Variants in AGBL1 observed in about 807,000 individuals in gnomAD.
The protein encoded by AGBL1 is AGBL carboxypeptidase 1, also known as cytosolic carboxypeptidase 4.
AGBL1 carries 130 observed loss-of-function variants against 118.9 expected under a neutral mutation model. That is an observed-to-expected ratio of 1.09 (90% confidence interval 0.95 to 1.26). The LOEUF is 1.26. AGBL1 is among the 50% of genes most tolerant of loss of function. AGBL1 has a pLI of 0.00. For missense variants in AGBL1, 1,584 were observed against 1,298.1 expected (o/e 1.22, Z -3.38); for synonymous variants, 555 against 478.9 (o/e 1.16, Z -2.08).
chr15:86,748,481 T>A (rs918129807), intron 22 of AGBL1, among the ~76,000 whole-genome samples: 6 of 149,304 alleles, frequency 4.0e-5, no homozygotes, highest in African/African-American at 4.9e-5. Context: ...AGCTCTTTAG[T>A]TGAATTAGAT....
intron 18 of AGBL1, among the ~76,000 whole-genome samples, chr15:86,469,604 G>T (rs1221592942): frequency 6.6e-6 from 1 of 152,070 alleles, no homozygotes; most frequent in Non-Finnish European, 1.5e-5. Flanking sequence ...ACCCAGAAGG[G>T]GGATTGCTGG....
intron 22 of AGBL1, among the ~76,000 whole-genome samples, chr15:86,739,981 C>T (rs901080726): frequency 2.0e-5 from 3 of 152,310 alleles, no homozygotes; most frequent in South Asian, 2.1e-4. Flanking sequence ...CCCCTTTCAC[C>T]TTTAAAGCCT....
intron 18 of AGBL1, among the ~76,000 whole-genome samples, chr15:86,422,991 C>T (rs1169138966): frequency 1.3e-5 from 2 of 152,114 alleles, no homozygotes; most frequent in Non-Finnish European, 2.9e-5. Flanking sequence ...GATTCACAGC[C>T]GAATTCTACC....
intron 6 of AGBL1, among the ~76,000 whole-genome samples, chr15:86,233,251 A>G (rs1412464328): frequency 6.6e-6 from 1 of 152,184 alleles, no homozygotes; most frequent in Non-Finnish European, 1.5e-5. Flanking sequence ...GTGACTTTAA[A>G]CTAGTTCTTT....
At chr15:86,621,614 T>G (rs1301670682) in intron 21 of AGBL1, among the ~76,000 whole-genome samples, 2 of 152,218 alleles carry the variant, frequency 1.3e-5, no homozygotes, top group East Asian at 1.9e-4. Context: ...CAGTATATCT[T>G]GAGATCCTTA....
chr15:86,514,160 AC>A (rs1382049011), intron 18 of AGBL1, among the ~76,000 whole-genome samples: 5 of 147,178 alleles, frequency 3.4e-5, no homozygotes, highest in African/African-American at 9.8e-5. Flanking sequence ...ACACACACAC[AC>A]ATACACATCT....
chr15:86,229,173 A>C (rs1295082092), intron 6 of AGBL1, among the ~76,000 whole-genome samples: 1 of 152,146 alleles, frequency 6.6e-6, no homozygotes, highest in African/African-American at 2.4e-5. Flanking sequence ...TCAAAACAAC[A>C]TGTCCTTTGT....
intron 16 of AGBL1, among the ~76,000 whole-genome samples, chr15:86,286,357 T>C (rs1386492933): frequency 5.9e-5 from 9 of 152,062 alleles, no homozygotes; most frequent in Admixed American, 5.9e-4. Context: ...TAATTCTGTG[T>C]ATTATTATAA....
intron 4 of AGBL1, among the ~76,000 whole-genome samples, chr15:86,158,134 T>A (rs868092309): frequency 6.6e-6 from 1 of 152,182 alleles, no homozygotes; most frequent in African/African-American, 2.4e-5. Flanking sequence ...AATTACTTCA[T>A]GTACTAGCCT....
chr15:86,113,005 T>C (rs1897490572), intron 1 of AGBL1, among the ~76,000 whole-genome samples: 1 of 152,166 alleles, frequency 6.6e-6, no homozygotes, highest in African/African-American at 2.4e-5. Context: ...GTTCTCACTC[T>C]TCAAAAACAT....
In AGBL1 at chr15:86,673,944, A is replaced by T. The variant is rs148142348; in HGVS notation, c.2995-329A>T. On this transcript the variant is annotated intron_variant, in intron 21 of 22. Coordinates refer to ENST00000614907, the MANE Select transcript of AGBL1 (RefSeq NM_001386094.1). ...GAAAAAAAACCCTTTTTAAAAATACAGATAAAAGCGTTGCTGCTTTGACCA... is the reference window on the plus strand; with the variant it reads ...GAAAAAAAACCCTTTTTAAAAATACTGATAAAAGCGTTGCTGCTTTGACCA... 8.5e-5 allele frequency among the ~76,000 whole-genome samples: 13 copies of T among 152,286 alleles called. No individual in the cohort carries two copies. The East Asian group carries it at 2.5e-3, about 29-fold the overall frequency.
chr15:86,225,071 AC>A, intron 6 of AGBL1, 120 bp downstream of exon 6: 3 of 981,976 alleles, frequency 3.1e-6, no homozygotes, highest in Non-Finnish European at 4.6e-6. Context: ...TTTCTCAATC[AC>A]CTATGGCTAA....
chr15:86,809,836 C>T (rs1439527678), intron 22 of AGBL1, among the ~76,000 whole-genome samples: 1 of 152,122 alleles, frequency 6.6e-6, no homozygotes, highest in Non-Finnish European at 1.5e-5. Context: ...TGAAAAATTT[C>T]TGAGGAGATA....
At chr15:86,594,050 G>A (rs2084374134) in intron 21 of AGBL1, among the ~76,000 whole-genome samples, 1 of 151,908 alleles carries the variant, frequency 6.6e-6, no homozygotes, top group African/African-American at 2.4e-5. Flanking sequence ...GGCCTCCTGA[G>A]TAGATGGGAT....
At chr15:86,178,005 C>A (rs1045113507) in intron 5 of AGBL1, among the ~76,000 whole-genome samples, 8 of 152,096 alleles carry the variant, frequency 5.3e-5, no homozygotes, top group Non-Finnish European at 1.2e-4. Flanking sequence ...TCTTTGAGAT[C>A]AATAAAATTG....
At chr15:86,414,446 G>A (rs1299730031) in intron 18 of AGBL1, among the ~76,000 whole-genome samples, 3 of 152,074 alleles carry the variant, frequency 2.0e-5, no homozygotes, top group Non-Finnish European at 4.4e-5. Flanking sequence ...TAAAAGGGGA[G>A]GCAGAATACC....
chr15:86,971,940 A>G (rs1207922575), intron 23 of AGBL1, among the ~76,000 whole-genome samples: 1 of 151,814 alleles, frequency 6.6e-6, no homozygotes, highest in Non-Finnish European at 1.5e-5. Flanking sequence ...TTTGCTTGGC[A>G]CTTCCCCTTC....
At chr15:86,143,927 T>G in intron 3 of AGBL1, 82 bp downstream of exon 3, 4 of 1,509,802 alleles carry the variant, frequency 2.6e-6, no homozygotes, top group Non-Finnish European at 3.6e-6. Flanking sequence ...GAAGCTTTGG[T>G]GGAGTAGCAC....
chr15:86,726,850 C>G (rs2086826219), intron 22 of AGBL1, among the ~76,000 whole-genome samples: 1 of 152,122 alleles, frequency 6.6e-6, no homozygotes, highest in Admixed American at 6.6e-5. Context: ...CCACTGCACC[C>G]AGCCAGTACT....
Sources: allele counts gnomAD v4.1 joint callset (sites outside exome capture counted in the v4.1 genomes callset), GRCh38; gene constraint gnomAD v4.1.1; transcripts MANE v1.5; gene names NCBI Gene and HGNC (gene_info 2026-07-23, HGNC 2026-07-21).